The following FAT4 variants were observed in gnomAD, a reference collection of about 807,000 sequenced individuals.
The protein encoded by FAT4 is protocadherin Fat 4.
Under a neutral mutation model 303.9 loss-of-function variants are expected in FAT4, and 84 were observed. That is an observed-to-expected ratio of 0.28 (90% CI 0.23 to 0.33). The LOEUF is 0.33. Ranked by LOEUF, FAT4 falls within the 10% of genes least tolerant of loss-of-function variation. The pLI is 1.00. For synonymous variants in FAT4, 2,307 were observed against 2,298.8 expected (o/e 1.00, Z -0.10); for missense variants, 6,005 against 6,146.8 (o/e 0.98, Z 0.77).
At chr4:125,424,248 A>G (rs999887131) in intron 7 of FAT4, among the ~76,000 whole-genome samples, 15 of 152,062 alleles carry the variant, frequency 9.9e-5, no homozygotes, top group African/African-American at 1.4e-4. Flanking sequence ...CCTGAGAGGG[A>G]CCTAGTGGGT....
chr4:125,380,616 A>T (rs1413809618), intron 2 of FAT4, among the ~76,000 whole-genome samples: 4 of 152,216 alleles, frequency 2.6e-5, no homozygotes. Flanking sequence ...CTGAAAAAAC[A>T]ATCACAGGTT....
In FAT4 at chr4:125,317,893, G is replaced by T. The variant is rs1447101491; in HGVS notation, c.1482G>T (p.Val494=). Residue 494 remains valine, a synonymous_variant, in exon 2 of 18, where the codon GTG becomes GTT. Coordinates refer to ENST00000394329, the MANE Select transcript of FAT4 (RefSeq NM_001291303.3). The surrounding 1 kb of genome is among the most constrained non-coding windows in gnomAD (Gnocchi z 7.0). ...LSEEAPPGSY[V]SGISATDGDS... is the part of the protein sequence containing the mutation. The stretch of plus-strand genomic sequence containing the variant: ...AGGAGGCGCCTCCGGGAAGCTATGT[G>T]AGTGGGATATCTGCCACTGATGGCG... The T allele has an allele frequency of 6.2e-7, 1 of 1,614,180 alleles. No individual in the cohort carries two copies. Among genetic ancestry groups the T allele is most frequent in the East Asian group, 2.2e-5 (1 of 44,856 alleles).
chr4:125,487,269 A>T (rs1445068025), intron 16 of FAT4, 76 bp from the exon 17 acceptor site: 6 of 1,407,764 alleles, frequency 4.3e-6, no homozygotes, highest in Non-Finnish European at 5.8e-6. Context: ...TCAAAAATTT[A>T]AGTTTAGTTT....
intron 2 of FAT4, among the ~76,000 whole-genome samples, chr4:125,353,640 A>G (rs1732316813): frequency 6.6e-6 from 1 of 151,646 alleles, no homozygotes; most frequent in Non-Finnish European, 1.5e-5. Flanking sequence ...ATACATACAT[A>G]TATGTATTAT....
chr4:125,320,721 C>T lies in FAT4; in HGVS notation c.4310C>T (p.Thr1437Ile). 6.2e-7 allele frequency: 1 copy of T among 1,614,100 alleles called. No individual in the cohort carries two copies. The highest frequency in any genetic ancestry group is 8.5e-7 in the Non-Finnish European group (1 of 1,179,952). The change falls in exon 2 of 18, where the codon ACA (threonine) becomes ATA (isoleucine). Residue 1437 changes from threonine to isoleucine, a missense_variant. Coordinates refer to ENST00000394329, the MANE Select transcript of FAT4 (RefSeq NM_001291303.3). ...ATTGTTGAGAACATTCCCATCGGTA[C>T]ATCTGTCATTTCAGTGACTGCACAT... is the stretch of plus-strand genomic sequence containing the variant. ...KSIVENIPIGTSVISVTAHDP... is the reference protein window; with the variant it reads ...KSIVENIPIGISVISVTAHDP...
chr4:125,373,687 T>C (rs998793417), intron 2 of FAT4, among the ~76,000 whole-genome samples: 4 of 152,174 alleles, frequency 2.6e-5, no homozygotes, highest in Non-Finnish European at 5.9e-5. Flanking sequence ...ATAAAAACCC[T>C]ATGACTGAGG....
chr4:125,369,326 G>A (rs1483626421), intron 2 of FAT4, among the ~76,000 whole-genome samples: 1 of 152,146 alleles, frequency 6.6e-6, no homozygotes, highest in Non-Finnish European at 1.5e-5. Context: ...CAGTTACTCA[G>A]GAGGCTGAGG....
Position 125,415,279 on chromosome 4 carries a change from G to A in FAT4, c.6316G>A (p.Val2106Met). The A allele has an allele frequency of 6.2e-7, 1 of 1,614,086 alleles. No individual in the cohort carries two copies. Among genetic ancestry groups the A allele is most frequent in the Non-Finnish European group, 8.5e-7 (1 of 1,179,992 alleles). ...KFSIGTIDGEVRLTGELDREE... is the reference protein window; with the variant it reads ...KFSIGTIDGEMRLTGELDREE... ...CAGTATTGGGACCATTGATGGTGAA[G>A]TGAGGCTCACTGGAGAACTGGACAG... Residue 2106 changes from valine (V) to methionine (M), a missense_variant, in exon 6 of 18, where the codon GTG becomes ATG. Transcript: ENST00000394329.
chr4:125,322,709 T>C (rs780043034), intron 2 of FAT4, among the ~76,000 whole-genome samples: 1 of 151,690 alleles, frequency 6.6e-6, no homozygotes, highest in Non-Finnish European at 1.5e-5. Flanking sequence ...ATTTTCTTTA[T>C]TTTAAATGAT....
chr4:125,321,521 C>A lies in FAT4; in HGVS notation c.5110C>A (p.Leu1704Ile). The A allele has an allele frequency of 6.2e-7, 1 of 1,614,076 alleles. No individual in the cohort carries two copies. Among genetic ancestry groups the A allele is most frequent in the South Asian group, 1.1e-5 (1 of 91,070 alleles). The part of the protein sequence containing the change: ...AILDREQGAC[L>I]YLVDVYAIEK... ...TCTGGACCGGGAGCAAGGAGCATGT[C>A]TTTACCTGGTGGATGTTTATGCCAT... The change falls in exon 2 of 18, where the codon CTT (leucine) becomes ATT (isoleucine). Residue 1704 changes from leucine (L) to isoleucine (I), a missense_variant. Physicochemically the swap from Leu to Ile is conservative, Grantham distance 5 (BLOSUM62 2). Transcript: ENST00000394329.
At position 125,319,118 on chromosome 4, in the gene FAT4, G is replaced by T; in HGVS notation, c.2707G>T (p.Val903Leu). 9 of 1,613,794 alleles carry T rather than the reference G, an allele frequency of 5.6e-6. No homozygotes were observed. The South Asian group carries it at 9.9e-5, about 18-fold the overall frequency. The change falls in exon 2 of 18, where the codon GTG becomes TTG. Residue 903 changes from valine (V) to leucine (L), a missense_variant. By Grantham distance (32) the Val-to-Leu change is conservative. Transcript: ENST00000394329. ...FLQAIESVNV[V>L]ENWQAGHSIF... The stretch of plus-strand genomic sequence containing the variant: ...TCAGGCAATAGAGAGTGTAAATGTG[G>T]TGGAGAATTGGCAGGCAGGTCACAG...
At chr4:125,390,160 C>A (rs1733925080) in intron 2 of FAT4, among the ~76,000 whole-genome samples, 1 of 152,226 alleles carries the variant, frequency 6.6e-6, no homozygotes, top group East Asian at 1.9e-4. Context: ...GAGCCTAAAC[C>A]CATAAACTAT....
chr4:125,377,809 TTATC>T (rs1273951412), intron 2 of FAT4, among the ~76,000 whole-genome samples: 1 of 151,140 alleles, frequency 6.6e-6, no homozygotes, highest in Non-Finnish European at 1.5e-5. Context: ...TAATATTACT[TTATC>T]TAATAAAAAA....
chr4:125,491,673 G>T lies in FAT4; in HGVS notation c.14857G>T (p.Ala4953Ser), dbSNP rs1244653699. The T allele has an allele frequency of 1.2e-6, 2 of 1,614,166 alleles. No individual in the cohort carries two copies. Among genetic ancestry groups the T allele is most frequent in the Non-Finnish European group, 1.7e-6 (2 of 1,180,022 alleles). The change falls in exon 18 of 18, where the codon GCA becomes TCA. Residue 4953 changes from alanine (A) to serine (S), a missense_variant. Coordinates refer to ENST00000394329, the MANE Select transcript of FAT4 (RefSeq NM_001291303.3). ...GHYVDVFKDL[A>S]SLPEKAAANE... Reference sequence around the variant, plus strand: ...TTATGTAGATGTTTTTAAAGATTTGGCATCTCTTCCAGAAAAAGCAGCAGC... The same window carrying T: ...TTATGTAGATGTTTTTAAAGATTTGTCATCTCTTCCAGAAAAAGCAGCAGC...
rs138057366 is a variant in FAT4 at position 125,490,364 on chromosome 4, C to T, written c.13548C>T (p.Thr4516=). Residue 4516 remains threonine, a synonymous_variant, in exon 18 of 18, where the codon ACC becomes ACT. Transcript: ENST00000394329. ...AVPAIVGSCA[T]VLALLVLSLI... The stretch of plus-strand genomic sequence containing the variant: ...CTGCCATCGTGGGCAGCTGCGCAAC[C>T]GTCTTGGCCCTCCTGGTCCTTAGCC... The T allele has an allele frequency of 1.8e-4, 284 of 1,614,054 alleles. No individual in the cohort carries two copies. Among genetic ancestry groups the T allele is most frequent in the East Asian group, 2.2e-4 (10 of 44,816 alleles).
At chr4:125,416,368 A>AT (rs878973448) in intron 6 of FAT4, 80 bp from the exon 7 acceptor site, 7,734 of 1,082,966 alleles carry the variant, frequency 7.1e-3, no homozygotes, top group South Asian at 8.3e-3. Flanking sequence ...GTTTTACCTC[A>AT]TTTTTTTTTA....
chr4:125,413,567 C>A (rs936301616), intron 5 of FAT4, among the ~76,000 whole-genome samples: 4 of 151,278 alleles, frequency 2.6e-5, no homozygotes, highest in Admixed American at 6.6e-5. Context: ...TCAAATTAGG[C>A]AAAGGATATT....
At chr4:125,367,564 T>C (rs536085026) in intron 2 of FAT4, among the ~76,000 whole-genome samples, 3 of 152,130 alleles carry the variant, frequency 2.0e-5, no homozygotes, top group Non-Finnish European at 4.4e-5. Context: ...GGAGTCAATA[T>C]GTAAATACAC....
At chr4:125,416,904 C>T (rs1227903635) in intron 7 of FAT4, among the ~76,000 whole-genome samples, 2 of 152,144 alleles carry the variant, frequency 1.3e-5, no homozygotes, top group Non-Finnish European at 2.9e-5. Context: ...CGAGATCACA[C>T]CACTGTTCTC....
Sources: gnomAD v4.1 joint callset for allele counts (sites outside exome capture counted in the v4.1 genomes callset) on GRCh38, gnomAD v4.1.1 for gene constraint, Gnocchi (gnomAD v3.1) non-coding constraint, MANE v1.5 for transcripts, NCBI Gene and HGNC (gene_info 2026-07-23, HGNC 2026-07-21) for gene names.